MIB1: variants seen among roughly 807,000 people sequenced by gnomAD.
MIB1 encodes E3 ubiquitin-protein ligase MIB1.
A neutral mutation model predicts 124.5 loss-of-function variants in MIB1; 278 were observed. The observed-to-expected ratio is 2.23, with a 90% CI of 2.02 to 2.47. The LOEUF (loss-of-function observed/expected upper bound fraction) is 2.47. MIB1 is among the 30% of genes most tolerant of loss of function. The probability of loss-of-function intolerance (pLI) is 0.00; values close to 1 mark genes in which losing one functional copy is unlikely to be tolerated. For missense variants in MIB1, 957 were observed against 1,254.4 expected (o/e 0.76, Z 3.58); for synonymous variants, 446 against 429.4 (o/e 1.04, Z -0.48).
intron 12 of MIB1, among the ~76,000 whole-genome samples, chr18:21,822,197 G>T (rs1331166578): frequency 6.6e-6 from 1 of 152,182 alleles, no homozygotes; most frequent in Non-Finnish European, 1.5e-5. Flanking sequence ...TTTATTGAGA[G>T]AATTTAGGAT....
At chr18:21,749,661 A>G (rs200862543) in intron 1 of MIB1, among the ~76,000 whole-genome samples, 2 of 54,816 alleles carry the variant, frequency 3.6e-5, no homozygotes, top group African/African-American at 7.6e-4. Flanking sequence ...TTTTTTTGAA[A>G]TGGAGTTTTC....
intron 3 of MIB1, among the ~76,000 whole-genome samples, chr18:21,769,315 A>G (rs2041199557): frequency 6.6e-6 from 1 of 152,222 alleles, no homozygotes. Flanking sequence ...TGGGAATGTC[A>G]TCATTACATA....
At chr18:21,730,654 T>C (rs2040765061) in intron 1 of MIB1, among the ~76,000 whole-genome samples, 1 of 152,362 alleles carries the variant, frequency 6.6e-6, no homozygotes, top group South Asian at 2.1e-4. Context: ...GCCAGAAAGC[T>C]GTAATTGCAC....
At chr18:21,808,570 A>G (rs2041734242) in intron 10 of MIB1, among the ~76,000 whole-genome samples, 1 of 152,196 alleles carries the variant, frequency 6.6e-6, no homozygotes. Context: ...CCTTTGGAAC[A>G]TGTGATAAGA....
intron 6 of MIB1, among the ~76,000 whole-genome samples, chr18:21,784,457 A>G (rs985909049): frequency 3.9e-5 from 6 of 152,222 alleles, no homozygotes; most frequent in Admixed American, 1.3e-4. Flanking sequence ...TTGCCAAGGC[A>G]AGAGACCGAG....
At position 21,824,257 on chromosome 18, in the gene MIB1, T is replaced by C. The variant is rs188718875; in HGVS notation, c.1829+4611T>C. Among the ~76,000 whole-genome samples the C allele has an allele frequency of 1.1e-3, 167 of 152,318 alleles. 1 individual carries two copies. The highest frequency in any genetic ancestry group is 3.8e-3 in the African/African-American group (156 of 41,590). ...AAGATAATTTCACAGGCGTTTCTTATTTGCTTACTAATTCCCACAAAGACA... is the reference window on the plus strand; with the variant it reads ...AAGATAATTTCACAGGCGTTTCTTACTTGCTTACTAATTCCCACAAAGACA... On this transcript the variant is annotated intron_variant, in intron 12 of 20. Coordinates refer to ENST00000261537, the MANE Select transcript of MIB1 (RefSeq NM_020774.4).
At chr18:21,809,117 T>G (rs2041741653) in intron 10 of MIB1, among the ~76,000 whole-genome samples, 1 of 152,062 alleles carries the variant, frequency 6.6e-6, no homozygotes, top group African/African-American at 2.4e-5. Flanking sequence ...TAAAAAGGAT[T>G]ATAAGAGAGT....
rs1249635344 is a variant in MIB1, at chr18:21,844,220, G to A, written c.2178G>A (p.Lys726=). 3.1e-6 allele frequency: 5 copies of A among 1,614,034 alleles called. No homozygotes were observed. The highest frequency in any genetic ancestry group is 3.3e-5 in the Admixed American group (2 of 60,002). Residue 726 remains lysine (K), a synonymous_variant, in exon 15 of 21, where the codon AAG becomes AAA. Coordinates refer to ENST00000261537, the MANE Select transcript of MIB1 (RefSeq NM_020774.4). ...RQLQDMQDVG[K]VDAAWEPSKN... ...TCCAAGATATGCAAGATGTGGGGAA[G>A]GTGGATGCTGCCTGGGAGCCATCCA...
At chr18:21,787,996 G>A (rs960142248) in intron 6 of MIB1, among the ~76,000 whole-genome samples, 1 of 151,930 alleles carries the variant, frequency 6.6e-6, no homozygotes, top group Non-Finnish European at 1.5e-5. Context: ...TAAATACTGA[G>A]TTTATATGAT....
At chr18:21,838,583 T>C in intron 13 of MIB1, 86 bp downstream of exon 13, 3 of 1,126,128 alleles carry the variant, frequency 2.7e-6, no homozygotes, top group Non-Finnish European at 3.7e-6. Flanking sequence ...TATTGCTTTA[T>C]AAATTGCCTA....
chr18:21,815,049 ATATAT>A (rs2041816202), intron 10 of MIB1, among the ~76,000 whole-genome samples: 3 of 131,140 alleles, frequency 2.3e-5, no homozygotes, highest in Non-Finnish European at 3.2e-5. Flanking sequence ...ATATATATAT[ATATAT>A]ATAAAATTAT....
chr18:21,827,699 G>A (rs2041938658), intron 12 of MIB1: 1 of 151,944 alleles, frequency 6.6e-6, no homozygotes, highest in African/African-American at 2.4e-5. Context: ...AAAATTATGT[G>A]CCTTTTATAA....
chr18:21,866,083 A>G lies in MIB1; in HGVS notation c.*1417A>G, dbSNP rs2042319625. On this transcript the variant is annotated 3_prime_UTR_variant, in exon 21 of 21. Coordinates refer to ENST00000261537, the MANE Select transcript of MIB1 (RefSeq NM_020774.4). ...TGCTGTTGATAAGCTTTTTCCTAAA[A>G]ATAGTTATCCTCTTTTGTAGTTTTT... 6.6e-6 allele frequency: 1 copy of G among 152,206 alleles called. No individual in the cohort carries two copies. The allele number at this position is 152,206 out of a possible 1,614,324, so 9.4% of individuals were successfully genotyped here. A position where few individuals can be genotyped will look rare whatever the true frequency, so the allele number is the denominator to read the frequency against.
intron 1 of MIB1, among the ~76,000 whole-genome samples, chr18:21,716,107 T>C (rs2040688758): frequency 6.6e-6 from 1 of 152,186 alleles, no homozygotes; most frequent in African/African-American, 2.4e-5. Context: ...TTAAGAGCTT[T>C]GAGGCAAAAG....
At chr18:21,855,997 G>A (rs910893449) in intron 18 of MIB1, among the ~76,000 whole-genome samples, 7 of 152,002 alleles carry the variant, frequency 4.6e-5, no homozygotes, top group Non-Finnish European at 8.8e-5. Flanking sequence ...TTGGGAGGCC[G>A]AAGCGGGTGG....
In MIB1 at chr18:21,858,634, C is replaced by T. The variant is rs749850142; in HGVS notation, c.2868C>T (p.Asp956=). ...AAAAGTTGCAGCAACAGTTACAAGA[C>T]ATTAAAGAGCAGGTAATAATGATTT... ...DVQKLQQQLQ[D]IKEQTMCPVC... The change falls in exon 20 of 21, where the codon GAC becomes GAT. Residue 956 remains aspartate (D), a synonymous_variant. Coordinates refer to ENST00000261537, the MANE Select transcript of MIB1 (RefSeq NM_020774.4). The T allele has an allele frequency of 1.3e-6, 2 of 1,543,754 alleles. No individual in the cohort carries two copies. The highest frequency in any genetic ancestry group is 4.5e-5 in the East Asian group (2 of 44,454).
At chr18:21,726,179 G>T (rs2040741337) in intron 1 of MIB1, among the ~76,000 whole-genome samples, 2 of 152,076 alleles carry the variant, frequency 1.3e-5, no homozygotes, top group Admixed American at 1.3e-4. Flanking sequence ...AGGAGTTTGA[G>T]GCTGCAGTGA....
chr18:21,715,051 C>T (rs1366279733), intron 1 of MIB1, among the ~76,000 whole-genome samples: 2 of 152,142 alleles, frequency 1.3e-5, no homozygotes, highest in Non-Finnish European at 2.9e-5. Flanking sequence ...AGACCTACTC[C>T]AGGAATAAAT....
chr18:21,753,478 T>C (rs1255034896), intron 1 of MIB1, among the ~76,000 whole-genome samples: 2 of 152,108 alleles, frequency 1.3e-5, no homozygotes, highest in Non-Finnish European at 2.9e-5. Context: ...TGAGCCATCA[T>C]GCCCAGCCTG....
Sources: gnomAD v4.1 joint callset for allele counts (sites outside exome capture counted in the v4.1 genomes callset) on GRCh38, gnomAD v4.1.1 for gene constraint, MANE v1.5 for transcripts, NCBI Gene and HGNC (gene_info 2026-07-23, HGNC 2026-07-21) for gene names.